Variants in VPS45 observed in about 807,000 individuals in gnomAD.
VPS45 encodes the protein vacuolar protein sorting-associated protein 45.
In VPS45, 35 loss-of-function variants were observed where a neutral mutation model predicts 75.9. The observed-to-expected ratio is 0.46, with a 90% confidence interval of 0.35 to 0.61. The LOEUF (loss-of-function observed/expected upper bound fraction) is 0.61, where lower values mean the gene tolerates loss of function less well. Ranked by LOEUF, VPS45 falls within the 20% of genes least tolerant of loss-of-function variation. The probability of loss-of-function intolerance (pLI) is 0.00; values close to 1 mark genes in which losing one functional copy is unlikely to be tolerated. For synonymous variants in VPS45, 220 were observed against 238.2 expected, an observed-to-expected ratio of 0.92 and a Z score of 0.70; for missense variants, 559 against 685.9, an observed-to-expected ratio of 0.81 and a Z score of 2.07.
chr1:150,081,867 A>G lies in VPS45; in HGVS notation c.823-17A>G. The stretch of plus-strand genomic sequence containing the variant: ...AGACTAGTTGATGAAGTGTGCTTCC[A>G]ACTTTCTTTTTCACAGAATATGTAC... On this transcript the variant is annotated splice_polypyrimidine_tract_variant and intron_variant, in intron 8 of 14. Transcript: ENST00000644510. The G allele has an allele frequency of 1.3e-6, 2 of 1,527,150 alleles. No individual in the cohort carries two copies. Among genetic ancestry groups the G allele is most frequent in the Non-Finnish European group, 1.8e-6 (2 of 1,112,266 alleles). The allele number at this position is 1,527,150 out of a possible 1,614,324, so 94.6% of individuals were successfully genotyped here.
intron 14 of VPS45, among the ~76,000 whole-genome samples, chr1:150,126,714 C>T (rs1658538548): frequency 6.6e-6 from 1 of 151,904 alleles, no homozygotes; most frequent in African/African-American, 2.4e-5. Context: ...GCCTGTAATC[C>T]CAGCACTTTG....
At chr1:150,095,814 A>C (rs1656615786) in intron 13 of VPS45, among the ~76,000 whole-genome samples, 1 of 152,156 alleles carries the variant, frequency 6.6e-6, no homozygotes. Flanking sequence ...TCGGTTCTCG[A>C]AGACCCTAGT....
intron 14 of VPS45, among the ~76,000 whole-genome samples, chr1:150,114,643 C>T (rs1278558105): frequency 6.7e-6 from 1 of 149,706 alleles, no homozygotes; most frequent in African/African-American, 2.5e-5. Flanking sequence ...CACCTGTAAT[C>T]CCAGCACTTT....
At chr1:150,099,058 T>C (rs950752380) in intron 13 of VPS45, 2 of 1,104,386 alleles carry the variant, frequency 1.8e-6, no homozygotes, top group Admixed American at 4.9e-5. Flanking sequence ...CTGCAGTAAA[T>C]GCTCATAAGA....
chr1:150,108,502 T>G (rs781903783), intron 13 of VPS45, among the ~76,000 whole-genome samples: 25 of 152,084 alleles, frequency 1.6e-4, no homozygotes, highest in Admixed American at 4.6e-4. Context: ...GAGTTTAGAT[T>G]AAGAAGAAAG....
At chr1:150,131,777 TAAA>T (rs1658853492) in intron 14 of VPS45, among the ~76,000 whole-genome samples, 1 of 151,248 alleles carries the variant, frequency 6.6e-6, no homozygotes, top group Non-Finnish European at 1.5e-5. Context: ...GCCCAGGAGT[TAAA>T]GGTTACAGTG....
chr1:150,101,490 C>T (rs1354638342), intron 13 of VPS45, among the ~76,000 whole-genome samples: 7 of 151,884 alleles, frequency 4.6e-5, no homozygotes, highest in African/African-American at 1.7e-4. Flanking sequence ...AATCCCAGCA[C>T]TTTGGGAGGC....
In VPS45 at chr1:150,110,608, A is replaced by C. The variant is rs1657595802; in HGVS notation, c.1606A>C (p.Thr536Pro). Residue 536 changes from threonine (T) to proline (P), a missense_variant, in exon 14 of 15, where the codon ACA becomes CCA. By Grantham distance (38) the Thr-to-Pro change is conservative. Coordinates refer to ENST00000644510, the MANE Select transcript of VPS45 (RefSeq NM_007259.5). ...AGTGAGGATTGTCCTGGGAGGCACC[A>C]CAGTGCACAACACGAAAAGGTAAAA... ...PGVRIVLGGT[T>P]VHNTKSFLEE... 2 of 1,611,056 alleles carry C rather than the reference A, an allele frequency of 1.2e-6. No individual in the cohort carries two copies. The highest frequency in any genetic ancestry group is 2.2e-5 in the South Asian group (2 of 90,536).
At chr1:150,079,653 C>G (rs987423684) in intron 7 of VPS45, among the ~76,000 whole-genome samples, 2 of 152,156 alleles carry the variant, frequency 1.3e-5, no homozygotes, top group East Asian at 3.9e-4. Context: ...CTCAAGTGAT[C>G]TGCCCGACTC....
chr1:150,137,419 A>G (rs587655496), intron 14 of VPS45, among the ~76,000 whole-genome samples: 2 of 152,334 alleles, frequency 1.3e-5, no homozygotes, highest in South Asian at 4.1e-4. Context: ...AAGACAAACC[A>G]TTAGAAGAGA....
intron 14 of VPS45, among the ~76,000 whole-genome samples, chr1:150,124,832 T>TA (rs1553810397): frequency 6.6e-6 from 1 of 151,936 alleles, no homozygotes; most frequent in Non-Finnish European, 1.5e-5. Context: ...GTGCTGGGAT[T>TA]ATAGGCATAA....
intron 2 of VPS45, among the ~76,000 whole-genome samples, chr1:150,071,163 A>G (rs587724742): frequency 6.6e-6 from 1 of 152,276 alleles, no homozygotes; most frequent in South Asian, 2.1e-4. Context: ...AAACAAATTA[A>G]TATGTTTAGG....
intron 10 of VPS45, among the ~76,000 whole-genome samples, chr1:150,086,679 T>A (rs1656031682): frequency 6.6e-6 from 1 of 152,124 alleles, no homozygotes; most frequent in Non-Finnish European, 1.5e-5. Flanking sequence ...AAAGCTCAAT[T>A]TTATGTTGAC....
intron 10 of VPS45, among the ~76,000 whole-genome samples, chr1:150,089,750 G>A (rs1271859738): frequency 6.6e-6 from 1 of 152,076 alleles, no homozygotes; most frequent in Non-Finnish European, 1.5e-5. Flanking sequence ...TATTATAGTA[G>A]AAAATAGTGG....
intron 14 of VPS45, among the ~76,000 whole-genome samples, chr1:150,114,356 C>A (rs1657806656): frequency 6.6e-6 from 1 of 151,800 alleles, no homozygotes; most frequent in Admixed American, 6.6e-5. Flanking sequence ...TGCCTGTAAT[C>A]CCAGCTACTC....
intron 13 of VPS45, chr1:150,109,652 C>T (rs1657529716): frequency 6.6e-6 from 1 of 152,006 alleles, no homozygotes; most frequent in Non-Finnish European, 1.5e-5. Flanking sequence ...AATTATTTGC[C>T]TAGTAATGGT....
At chr1:150,119,005 A>T (rs1553809041) in intron 14 of VPS45, among the ~76,000 whole-genome samples, 2 of 152,228 alleles carry the variant, frequency 1.3e-5, no homozygotes, top group Non-Finnish European at 2.9e-5. Context: ...ATTCAATATC[A>T]AGTGTTTATA....
chr1:150,130,543 A>G (rs1002910488), intron 14 of VPS45, among the ~76,000 whole-genome samples: 1 of 152,154 alleles, frequency 6.6e-6, no homozygotes, highest in African/African-American at 2.4e-5. Flanking sequence ...ATGTGCTTTC[A>G]ATGAAAATGC....
intron 7 of VPS45, among the ~76,000 whole-genome samples, chr1:150,079,266 A>T (rs1384802594): frequency 1.3e-5 from 2 of 152,066 alleles, no homozygotes; most frequent in Non-Finnish European, 2.9e-5. Flanking sequence ...CTCATGCTGT[A>T]CTTGCCATGT....
Sources: allele counts gnomAD v4.1 joint callset (sites outside exome capture counted in the v4.1 genomes callset), GRCh38; gene constraint gnomAD v4.1.1; transcripts MANE v1.5; gene names NCBI Gene and HGNC (gene_info 2026-07-23, HGNC 2026-07-21).